Variants in FTO observed in about 807,000 individuals in gnomAD.
FTO encodes FTO alpha-ketoglutarate dependent dioxygenase, also known as alpha-ketoglutarate-dependent dioxygenase FTO.
A neutral mutation model predicts 63.9 loss-of-function variants in FTO; 47 were observed. The observed-to-expected ratio is 0.74, with a 90% CI of 0.58 to 0.94. The LOEUF (loss-of-function observed/expected upper bound fraction) is 0.94, where lower values mean the gene tolerates loss of function less well. Among genes scored for constraint, FTO ranks in the 40% least tolerant of loss-of-function variants. The probability of loss-of-function intolerance (pLI) is 0.00; values close to 1 mark genes in which losing one functional copy is unlikely to be tolerated. For missense variants in FTO, 562 were observed against 618.1 expected (o/e 0.91, Z 0.96); for synonymous variants, 207 against 224.4 (o/e 0.92, Z 0.69).
chr16:53,777,162 G>A (rs2077479241), intron 1 of FTO, among the ~76,000 whole-genome samples: 1 of 152,010 alleles, frequency 6.6e-6, no homozygotes, highest in Admixed American at 6.6e-5. Context: ...TAGAACTTAG[G>A]TCTCCTGTCA....
chr16:53,987,298 C>G (rs2083691030), intron 8 of FTO, among the ~76,000 whole-genome samples: 1 of 151,958 alleles, frequency 6.6e-6, no homozygotes, highest in African/African-American at 2.4e-5. Context: ...AATGACAATA[C>G]AGCCAGGCGC....
chr16:53,878,651 T>G (rs2080736499), intron 5 of FTO, among the ~76,000 whole-genome samples: 1 of 152,218 alleles, frequency 6.6e-6, no homozygotes, highest in African/African-American at 2.4e-5. Flanking sequence ...TCATTGGGAC[T>G]GAAGGGTATT....
chr16:53,909,800 G>A (rs1331695532), intron 7 of FTO, among the ~76,000 whole-genome samples: 1 of 152,038 alleles, frequency 6.6e-6, no homozygotes, highest in African/African-American at 2.4e-5. Flanking sequence ...CTGACCTCAG[G>A]TGATCCGCCC....
At chr16:53,959,752 C>G (rs1248227238) in intron 8 of FTO, among the ~76,000 whole-genome samples, 1 of 151,980 alleles carries the variant, frequency 6.6e-6, no homozygotes, top group African/African-American at 2.4e-5. Context: ...ATTCTGGAGC[C>G]TAAGCTTTTA....
At chr16:53,996,614 T>C (rs1966435) in intron 8 of FTO, among the ~76,000 whole-genome samples, 97,275 of 151,884 alleles carry the variant, frequency 0.64, 32,047 homozygotes, top group African/African-American at 0.79. Context: ...AGGGGTATTG[T>C]ATTAGCTCTT....
intron 2 of FTO, among the ~76,000 whole-genome samples, chr16:53,815,815 AT>A (rs1185619325): frequency 1.3e-5 from 2 of 151,222 alleles, no homozygotes; most frequent in African/African-American, 4.9e-5. Flanking sequence ...TGCCTGGCCA[AT>A]TTTTGTATTT....
At chr16:53,911,125 T>C in intron 7 of FTO, 1 of 459,910 alleles carries the variant, frequency 2.2e-6, no homozygotes, top group Non-Finnish European at 3.9e-6. Flanking sequence ...CAGTAGGCAT[T>C]CCTTTCATGC....
At chr16:54,095,831 G>A (rs1268848964) in intron 8 of FTO, among the ~76,000 whole-genome samples, 1 of 152,236 alleles carries the variant, frequency 6.6e-6, no homozygotes, top group Admixed American at 6.5e-5. Flanking sequence ...AAGGATGACA[G>A]AGCAGAAAGG....
intron 7 of FTO, among the ~76,000 whole-genome samples, chr16:53,899,182 A>G (rs2081344531): frequency 6.6e-6 from 1 of 152,132 alleles, no homozygotes; most frequent in South Asian, 2.1e-4. Flanking sequence ...TTTATAGCTG[A>G]GAAGATTGAG....
chr16:53,905,003 A>G (rs7196299), intron 7 of FTO, among the ~76,000 whole-genome samples: 4,843 of 152,152 alleles, frequency 0.032, 254 homozygotes, highest in African/African-American at 0.11. Flanking sequence ...GGTTAGAACA[A>G]TATTTTCTAA....
chr16:53,762,912 G>A (rs2077103653), intron 1 of FTO, among the ~76,000 whole-genome samples: 1 of 152,112 alleles, frequency 6.6e-6, no homozygotes, highest in Non-Finnish European at 1.5e-5. Flanking sequence ...GATTTACCAT[G>A]CCTCAAAAGC....
At chr16:53,727,773 C>CCTTA (rs2076184555) in intron 1 of FTO, among the ~76,000 whole-genome samples, 1 of 152,118 alleles carries the variant, frequency 6.6e-6, no homozygotes, top group African/African-American at 2.4e-5. Flanking sequence ...TCACTGAACC[C>CCTTA]CTTAGTCTCA....
intron 3 of FTO, among the ~76,000 whole-genome samples, chr16:53,828,012 G>GCA (rs2079054356): frequency 6.6e-6 from 1 of 152,134 alleles, no homozygotes; most frequent in African/African-American, 2.4e-5. Context: ...CTCCCTTCCC[G>GCA]TGGGTGATCA....
In FTO at chr16:54,114,608, T is replaced by A. The variant is rs2086957503; in HGVS notation, c.*2693T>A. ...GGGTTGGAGAAATCACTACTTTAAG[T>A]GAATCCGAAAGGTGAGATCACATTT... On this transcript the variant is annotated 3_prime_UTR_variant, in exon 9 of 9. Coordinates refer to ENST00000471389, the MANE Select transcript of FTO (RefSeq NM_001080432.3). 6.6e-6 allele frequency: 1 copy of A among 152,078 alleles called. No individual in the cohort carries two copies. Among genetic ancestry groups the A allele is most frequent in the African/African-American group, 2.4e-5 (1 of 41,400 alleles). The allele number at this position is 152,078 out of a possible 1,614,324, so 9.4% of individuals were successfully genotyped here.
At chr16:53,808,277 T>G (rs994769064) in intron 1 of FTO, among the ~76,000 whole-genome samples, 6 of 151,482 alleles carry the variant, frequency 4.0e-5, no homozygotes, top group Admixed American at 1.3e-4. Context: ...AAGGCTGCAG[T>G]GAGCTGTGAT....
At chr16:53,736,130 G>C (rs2076385880) in intron 1 of FTO, among the ~76,000 whole-genome samples, 2 of 152,192 alleles carry the variant, frequency 1.3e-5, no homozygotes, top group African/African-American at 4.8e-5. Flanking sequence ...AACTGCTCCA[G>C]CTAGCAGCTG....
At chr16:54,041,057 G>C (rs188860114) in intron 8 of FTO, among the ~76,000 whole-genome samples, 100 of 152,274 alleles carry the variant, frequency 6.6e-4, no homozygotes, top group African/African-American at 2.3e-3. Flanking sequence ...TATTGTCCTG[G>C]AAAGATTTAA....
At chr16:53,822,249 C>T (rs903650368) in intron 2 of FTO, among the ~76,000 whole-genome samples, 1 of 152,144 alleles carries the variant, frequency 6.6e-6, no homozygotes. Flanking sequence ...CCAAAAGAAA[C>T]CCTAGAACGT....
chr16:53,938,205 C>T (rs536931268), intron 8 of FTO, among the ~76,000 whole-genome samples: 1 of 152,334 alleles, frequency 6.6e-6, no homozygotes, highest in South Asian at 2.1e-4. Flanking sequence ...GAGTCTTATT[C>T]CTACTACAAC....
Sources: gnomAD v4.1 joint callset for allele counts (sites outside exome capture counted in the v4.1 genomes callset) on GRCh38, gnomAD v4.1.1 for gene constraint, MANE v1.5 for transcripts, NCBI Gene and HGNC (gene_info 2026-07-23, HGNC 2026-07-21) for gene names.